The following ASTN2 variants were observed in gnomAD, a reference collection of about 807,000 sequenced individuals.
ASTN2 encodes astrotactin-2.
ASTN2 carries 54 observed loss-of-function variants against 139.8 expected under a neutral mutation model. The observed-to-expected ratio is 0.39, with a 90% CI of 0.31 to 0.48. ASTN2 has a LOEUF of 0.48. ASTN2 is among the 20% of genes least tolerant of loss of function. The probability of loss-of-function intolerance (pLI) is 0.95; values close to 1 mark genes in which losing one functional copy is unlikely to be tolerated. For synonymous variants in ASTN2, 756 were observed against 719.5 expected (o/e 1.05, Z -0.81); for missense variants, 1,565 against 1,725.1 (o/e 0.91, Z 1.64).
intron 7 of ASTN2, among the ~76,000 whole-genome samples, chr9:117,002,063 T>C (rs1312958523): frequency 1.3e-5 from 2 of 152,216 alleles, no homozygotes; most frequent in Admixed American, 6.5e-5. Context: ...TATGTTCCTA[T>C]TTCAATTTTC....
At chr9:117,234,807 GC>G (rs1322089307) in intron 2 of ASTN2, among the ~76,000 whole-genome samples, 1 of 152,130 alleles carries the variant, frequency 6.6e-6, no homozygotes, top group African/African-American at 2.4e-5. Flanking sequence ...CTAGAACCTG[GC>G]CCCTTGGTGG....
chr9:116,632,745 G>C (rs1856870153), intron 17 of ASTN2, among the ~76,000 whole-genome samples: 1 of 151,950 alleles, frequency 6.6e-6, no homozygotes, highest in South Asian at 2.1e-4. Context: ...TGCAACTTCA[G>C]TCTTCTTTGA....
Position 116,725,877 on chromosome 9 carries a change from A to G in ASTN2, c.2700T>C (p.Tyr900=), listed in dbSNP as rs771122494. Residue 900 remains tyrosine, a synonymous_variant, in exon 16 of 23, where the codon TAT becomes TAC. Transcript: ENST00000313400. The part of the protein sequence containing the change: ...REELLSFIQH[Y]GSHYIAEALY... ...GGGCCTCTGCGATGTAGTGGGAGCC[A>G]TAGTGCTGGATGAAGGACAGCAGCT... The G allele has an allele frequency of 2.5e-6, 4 of 1,614,098 alleles. No individual in the cohort carries two copies. Among genetic ancestry groups the G allele is most frequent in the Non-Finnish European group, 3.4e-6 (4 of 1,180,030 alleles).
At chr9:116,430,465 T>C (rs1847460994) in intron 22 of ASTN2, among the ~76,000 whole-genome samples, 1 of 152,162 alleles carries the variant, frequency 6.6e-6, no homozygotes, top group Admixed American at 6.5e-5. Context: ...CCATAAAATG[T>C]GAATAATGGT....
chr9:117,084,471 A>G (rs1828509867), intron 5 of ASTN2, among the ~76,000 whole-genome samples: 1 of 152,214 alleles, frequency 6.6e-6, no homozygotes, highest in Admixed American at 6.5e-5. Context: ...TTTGGAGCCA[A>G]CCGAAACCCA....
intron 10 of ASTN2, among the ~76,000 whole-genome samples, chr9:116,881,289 G>T (rs1833444555): frequency 6.6e-6 from 1 of 152,198 alleles, no homozygotes; most frequent in Admixed American, 6.5e-5. Context: ...ACCTCATTTT[G>T]CAGATAAAGA....
chr9:116,998,573 A>ATCCATCCATCCATCCATCCATC (rs1554767994), intron 7 of ASTN2, among the ~76,000 whole-genome samples: 4 of 4,156 alleles, frequency 9.6e-4, no homozygotes, highest in South Asian at 0.01. Context: ...ATCCATCCAT[A>ATCCATCCATCCATCCATCCATC]CATCCATCCA....
At chr9:116,783,219 C>T (rs1480174866) in intron 13 of ASTN2, among the ~76,000 whole-genome samples, 2 of 151,866 alleles carry the variant, frequency 1.3e-5, no homozygotes, top group East Asian at 1.9e-4. Flanking sequence ...TAAAACAGTT[C>T]CTTTTTTTTT....
At chr9:117,346,139 A>G (rs1022804256) in intron 1 of ASTN2, among the ~76,000 whole-genome samples, 27 of 152,142 alleles carry the variant, frequency 1.8e-4, no homozygotes, top group Non-Finnish European at 2.9e-4. Context: ...ATGGGATTAC[A>G]AAGAGTAAAG....
intron 2 of ASTN2, among the ~76,000 whole-genome samples, chr9:117,244,514 T>C (rs1464603486): frequency 1.4e-5 from 2 of 147,018 alleles, no homozygotes; most frequent in African/African-American, 5.0e-5. Context: ...CATGGTCTTA[T>C]CTTAGAACAG....
intron 1 of ASTN2, among the ~76,000 whole-genome samples, chr9:117,406,795 T>C (rs899339154): frequency 1.3e-5 from 2 of 151,948 alleles, no homozygotes; most frequent in Non-Finnish European, 1.5e-5. Context: ...TCCATAGAAT[T>C]TTTCATCTTC....
chr9:117,039,379 T>C (rs1003577233), intron 6 of ASTN2, among the ~76,000 whole-genome samples: 1 of 151,164 alleles, frequency 6.6e-6, no homozygotes, highest in Non-Finnish European at 1.5e-5. Flanking sequence ...AGCTGAACAA[T>C]GAGAACACAT....
intron 2 of ASTN2, among the ~76,000 whole-genome samples, chr9:117,257,161 T>C (rs970314467): frequency 2.6e-5 from 4 of 152,222 alleles, no homozygotes; most frequent in African/African-American, 9.6e-5. Context: ...TGTTCTATTC[T>C]ATTTCCATTT....
At chr9:116,681,521 C>T (rs1470153586) in intron 16 of ASTN2, among the ~76,000 whole-genome samples, 3 of 152,182 alleles carry the variant, frequency 2.0e-5, no homozygotes, top group African/African-American at 7.2e-5. Context: ...TTGGAAAAAA[C>T]TACTTTAAGG....
At chr9:116,686,561 C>T in intron 16 of ASTN2, 1 of 867,738 alleles carries the variant, frequency 1.2e-6, no homozygotes, top group South Asian at 1.6e-5. Flanking sequence ...CCAGCCAGTC[C>T]TGTATCAGAC....
intron 20 of ASTN2, among the ~76,000 whole-genome samples, chr9:116,486,268 C>G (rs1326112277): frequency 2.0e-5 from 3 of 152,096 alleles, no homozygotes; most frequent in East Asian, 3.9e-4. Flanking sequence ...AACCAAAACA[C>G]AAGAAATACT....
At chr9:116,884,382 T>C (rs1588382356) in intron 10 of ASTN2, among the ~76,000 whole-genome samples, 1 of 152,128 alleles carries the variant, frequency 6.6e-6, no homozygotes, top group South Asian at 2.1e-4. Context: ...ATAGGCTGGG[T>C]GGAGGCTAGA....
At chr9:117,217,528 G>GGCTA (rs1207072039) in intron 2 of ASTN2, among the ~76,000 whole-genome samples, 1 of 152,168 alleles carries the variant, frequency 6.6e-6, no homozygotes, top group Non-Finnish European at 1.5e-5. Context: ...AGTAGTAAAT[G>GGCTA]GCTAAGTGTT....
At chr9:116,575,055 A>T (rs1306989591) in intron 19 of ASTN2, among the ~76,000 whole-genome samples, 1 of 152,104 alleles carries the variant, frequency 6.6e-6, no homozygotes, top group Non-Finnish European at 1.5e-5. Flanking sequence ...TGTACTTGCA[A>T]TTAGAACACC....
Sources: gnomAD v4.1 joint callset for allele counts (sites outside exome capture counted in the v4.1 genomes callset) on GRCh38, gnomAD v4.1.1 for gene constraint, MANE v1.5 for transcripts, NCBI Gene and HGNC (gene_info 2026-07-23, HGNC 2026-07-21) for gene names.